The following CHFR variants were observed in gnomAD, a reference collection of about 807,000 sequenced individuals.
CHFR encodes the protein E3 ubiquitin-protein ligase CHFR.
A neutral mutation model predicts 87.6 loss-of-function variants in CHFR; 57 were observed. The ratio of observed to expected loss-of-function variants is 0.65; its 90% CI spans 0.53 to 0.81. The LOEUF (loss-of-function observed/expected upper bound fraction) is 0.81. Ranked by LOEUF, CHFR falls within the 30% of genes least tolerant of loss-of-function variation. The pLI, the probability that CHFR is intolerant of heterozygous loss-of-function variation, is 0.00. For missense variants in CHFR, 797 were observed against 865.8 expected, an observed-to-expected ratio of 0.92 and a Z score of 1.00; for synonymous variants, 381 against 359.2, an observed-to-expected ratio of 1.06 and a Z score of -0.69.
intron 15 of CHFR, among the ~76,000 whole-genome samples, chr12:132,846,200 C>T (rs1324770134): frequency 6.6e-6 from 1 of 152,024 alleles, no homozygotes; most frequent in African/African-American, 2.4e-5. Flanking sequence ...GTCGGCCACA[C>T]CCACCCTCCC....
At chr12:132,845,943 A>G (rs933039977) in intron 15 of CHFR, among the ~76,000 whole-genome samples, 1 of 152,170 alleles carries the variant, frequency 6.6e-6, no homozygotes, top group Non-Finnish European at 1.5e-5. Context: ...GCAGCTGCCC[A>G]GTTGTTACCT....
At chr12:132,873,810 C>G (rs1227900795) in intron 3 of CHFR, among the ~76,000 whole-genome samples, 2 of 152,216 alleles carry the variant, frequency 1.3e-5, no homozygotes, top group Middle Eastern at 3.2e-3. Flanking sequence ...GCGACTGCAG[C>G]CATCACTCAT....
At chr12:132,879,221 T>C (rs1390522707) in intron 2 of CHFR, among the ~76,000 whole-genome samples, 1 of 151,900 alleles carries the variant, frequency 6.6e-6, no homozygotes, top group Non-Finnish European at 1.5e-5. Flanking sequence ...GGTCTTGAAC[T>C]CCTGACCTCT....
At chr12:132,848,322 T>A in intron 13 of CHFR, 167 bp from the exon 14 acceptor site, 2 of 1,245,260 alleles carry the variant, frequency 1.6e-6, no homozygotes, top group South Asian at 2.6e-5. Flanking sequence ...AGAAATGATT[T>A]CCATTCCACT....
intron 12 of CHFR, 192 bp from the exon 13 acceptor site, chr12:132,848,916 T>C: frequency 3.7e-6 from 2 of 538,496 alleles, no homozygotes; most frequent in Non-Finnish European, 6.6e-6. Context: ...CGAGGAGTTG[T>C]ATCCCTGAAA....
At chr12:132,854,184 A>T (rs984858873) in intron 10 of CHFR, 2 of 152,300 alleles carry the variant, frequency 1.3e-5, no homozygotes, top group African/African-American at 4.8e-5. Context: ...GTAAAAAACA[A>T]GGCACAGTGA....
chr12:132,851,294 G>A (rs1002698713), intron 12 of CHFR, among the ~76,000 whole-genome samples: 1 of 152,016 alleles, frequency 6.6e-6, no homozygotes, highest in Non-Finnish European at 1.5e-5. Flanking sequence ...CCTGGCCAGA[G>A]TTGTATACTA....
At chr12:132,851,849 G>A in intron 11 of CHFR, 112 bp from the exon 12 acceptor site, 2 of 1,319,520 alleles carry the variant, frequency 1.5e-6, no homozygotes, top group Non-Finnish European at 2.0e-6. Context: ...AGACAGCCGG[G>A]GAAGAAGCAG....
At chr12:132,858,673 A>AGCC (rs1951138664) in intron 8 of CHFR, among the ~76,000 whole-genome samples, 1 of 127,584 alleles carries the variant, frequency 7.8e-6, no homozygotes, top group Non-Finnish European at 1.6e-5. Context: ...GGTTGTAGTG[A>AGCC]GCCAAGACTG....
chr12:132,869,914 G>A, intron 5 of CHFR, 116 bp from the exon 6 acceptor site: 2 of 1,257,994 alleles, frequency 1.6e-6, no homozygotes, highest in African/African-American at 1.5e-5. Context: ...TCTTAAGAAT[G>A]CAACAGCCCC....
intron 2 of CHFR, 51 bp downstream of exon 2, chr12:132,887,145 C>G: frequency 7.1e-7 from 1 of 1,413,234 alleles, no homozygotes; most frequent in Non-Finnish European, 9.2e-7. Flanking sequence ...CTGCCCGCAA[C>G]CCGGTGGCTC....
At chr12:132,878,753 G>C (rs1416480802) in intron 2 of CHFR, among the ~76,000 whole-genome samples, 1 of 148,040 alleles carries the variant, frequency 6.8e-6, no homozygotes, top group East Asian at 2.1e-4. Context: ...CCGGGAGGAG[G>C]AGCTTGCAGT....
rs911216767 is a variant in CHFR at position 132,835,305 on chromosome 12, A to G, written c.*6249T>C. 6.6e-6 allele frequency: 1 copy of G among 152,150 alleles called. No homozygotes were observed. Among genetic ancestry groups the G allele is most frequent in the African/African-American group, 2.4e-5 (1 of 41,402 alleles). The allele number at this position is 152,150 out of a possible 1,614,324, so 9.4% of individuals were successfully genotyped here. On this transcript the variant is annotated 3_prime_UTR_variant, in exon 18 of 18. Coordinates refer to ENST00000450056, the MANE Select transcript of CHFR (RefSeq NM_001161346.2). ...TTTTTATAAAACCCCGTGGCGTGCG[A>G]GCTTTGATGGCAGAGTGTTACAATA... is the stretch of plus-strand genomic sequence containing the variant.
At position 132,887,337 on chromosome 12, in the gene CHFR, A is replaced by C. The variant is rs1951922549; in HGVS notation, c.-9T>G. 7.0e-7 allele frequency: 1 copy of C among 1,427,222 alleles called. No homozygotes were observed. The highest frequency in any genetic ancestry group is 2.8e-5 in the Admixed American group (1 of 35,338). The allele number at this position is 1,427,222 out of a possible 1,614,324, so 88.4% of individuals were successfully genotyped here. On this transcript the variant is annotated 5_prime_UTR_variant, in exon 2 of 18. The change abolishes the stop of an existing upstream ORF in the 5' untranslated region. Coordinates refer to ENST00000450056, the MANE Select transcript of CHFR (RefSeq NM_001161346.2). ...TCCTCGGGCCGCTCCATCGGGATTC[A>C]CATCTGCGGAGACCCCGGAAACGCC...
At chr12:132,877,120 C>A (rs182899775) in intron 3 of CHFR, among the ~76,000 whole-genome samples, 1 of 151,894 alleles carries the variant, frequency 6.6e-6, no homozygotes, top group Non-Finnish European at 1.5e-5. Flanking sequence ...TTTCAACAGA[C>A]GCATATACGA....
At chr12:132,882,332 C>G (rs1951788060) in intron 2 of CHFR, among the ~76,000 whole-genome samples, 1 of 152,122 alleles carries the variant, frequency 6.6e-6, no homozygotes. Context: ...CAGCAGAAGG[C>G]AAAGAAACCA....
At position 132,859,092 on chromosome 12, in the gene CHFR, T is replaced by C; in HGVS notation, c.887A>G (p.Gln296Arg). The C allele has an allele frequency of 1.9e-6, 3 of 1,614,028 alleles. No homozygotes were observed. The highest frequency in any genetic ancestry group is 2.5e-6 in the Non-Finnish European group (3 of 1,179,922). Reference sequence around the variant, plus strand: ...CCTCACGCAGTCGTGCAGCAGGTCCTGGCAGATGATGCATGTCAGCGTCTC... The same window carrying C: ...CCTCACGCAGTCGTGCAGCAGGTCCCGGCAGATGATGCATGTCAGCGTCTC... ...MEETLTCIIC[Q>R]DLLHDCVSLQ... The change falls in exon 8 of 18, where the codon CAG becomes CGG. Residue 296 changes from glutamine (Q) to arginine (R), a missense_variant. Gln to Arg is a conservative substitution (Grantham distance 43). Transcript: ENST00000450056.
intron 7 of CHFR, among the ~76,000 whole-genome samples, chr12:132,860,651 T>C (rs1951191291): frequency 6.6e-6 from 1 of 152,240 alleles, no homozygotes; most frequent in South Asian, 2.1e-4. Flanking sequence ...AATCTTAACT[T>C]TGGCTTTCAA....
chr12:132,870,779 C>T lies in CHFR; in HGVS notation c.348G>A (p.Val116=). Residue 116 remains valine, a synonymous_variant, in exon 5 of 18, where the codon GTG becomes GTA. Coordinates refer to ENST00000450056, the MANE Select transcript of CHFR (RefSeq NM_001161346.2). ...VYRKNEPEHN[V]AYLYESLSEK... ...CACTTAAAGATTCATAGAGGTATGC[C>T]ACGTCTAAAAGAAAATCAATCAAAT... is the stretch of plus-strand genomic sequence containing the variant. 3 of 1,605,240 alleles carry T rather than the reference C, an allele frequency of 1.9e-6. No individual in the cohort carries two copies. Among genetic ancestry groups the T allele is most frequent in the Non-Finnish European group, 2.6e-6 (3 of 1,172,398 alleles).
Sources: allele counts gnomAD v4.1 joint callset (sites outside exome capture counted in the v4.1 genomes callset), GRCh38; gene constraint gnomAD v4.1.1; transcripts MANE v1.5; gene names NCBI Gene and HGNC (gene_info 2026-07-23, HGNC 2026-07-21).